The following CFI variants were observed in gnomAD, a reference collection of about 807,000 sequenced individuals.
CFI encodes the protein complement factor I, also known as C3B/C4B inactivator.
CFI carries 66 observed loss-of-function variants against 78.8 expected under a neutral mutation model. The observed-to-expected ratio is 0.84, with a 90% CI of 0.69 to 1.03. The LOEUF (loss-of-function observed/expected upper bound fraction) is 1.03, where lower values mean the gene tolerates loss of function less well. Among genes scored for constraint, CFI ranks in the 50% least tolerant of loss-of-function variants. The probability of loss-of-function intolerance (pLI) is 0.00; values close to 1 mark genes in which losing one functional copy is unlikely to be tolerated. For missense variants in CFI, 706 were observed against 704.5 expected, an observed-to-expected ratio of 1.00 and a Z score of -0.02; for synonymous variants, 250 against 232.6, an observed-to-expected ratio of 1.07 and a Z score of -0.68.
At chr4:109,796,230 A>G (rs1732039328) in intron 1 of CFI, among the ~76,000 whole-genome samples, 1 of 152,152 alleles carries the variant, frequency 6.6e-6, no homozygotes, top group Non-Finnish European at 1.5e-5. Context: ...TCAAAGTGTC[A>G]TAACGAAGAA....
At chr4:109,761,996 C>G (rs572875282) in intron 3 of CFI, 6 of 347,044 alleles carry the variant, frequency 1.7e-5, no homozygotes, top group Non-Finnish European at 3.3e-5. Context: ...TCGAGACCAG[C>G]CTGGCCAATA....
At chr4:109,771,550 C>CAAAA (rs60490705) in intron 1 of CFI, among the ~76,000 whole-genome samples, 1 of 132,812 alleles carries the variant, frequency 7.5e-6, no homozygotes, top group Admixed American at 7.6e-5. Context: ...ACTAAAAATA[C>CAAAA]AAAAAAAAAA....
intron 1 of CFI, among the ~76,000 whole-genome samples, chr4:109,774,647 C>G (rs1158402606): frequency 6.6e-6 from 1 of 152,118 alleles, no homozygotes; most frequent in African/African-American, 2.4e-5. Context: ...AATCATAAAG[C>G]CCTTGGAGGG....
rs74379614 is a variant in CFI, at chr4:109,796,495, G to A, written c.57+5420C>T. Among the ~76,000 whole-genome samples, 1,388 of 152,270 alleles carry A rather than the reference G, an allele frequency of 9.1e-3. 15 individuals carry two copies. The highest frequency in any genetic ancestry group is 0.032 in the African/African-American group (1,318 of 41,548). On this transcript the variant is annotated intron_variant, in intron 1 of 12. Transcript: ENST00000394634. ...TATACATCAATAATGAACTGTCCTA[G>A]AAAGAATTTTAAGAAAACCATCTCA...
Position 109,774,102 on chromosome 4 carries a change from G to T in CFI, c.58-7278C>A, listed in dbSNP as rs568819815. On this transcript the variant is annotated intron_variant, in intron 1 of 12. Coordinates refer to ENST00000394634, the MANE Select transcript of CFI (RefSeq NM_000204.5). ...AAATCTTTACTAATATTTAAACATA[G>T]ATTATCACTTGGGCCTATATTCATA... Among the ~76,000 whole-genome samples the T allele has an allele frequency of 4.6e-4, 70 of 152,312 alleles. No homozygotes were observed. In the South Asian group the frequency reaches 0.014, roughly 31 times the overall value.
rs547016292 is a variant in CFI at position 109,797,108 on chromosome 4, A to C, written c.57+4807T>G. ...TTACATGGAATTTCAAAAGACACAAAATAGCCAAAACAATTTTTTGAGCAA... is the reference window on the plus strand; with the variant it reads ...TTACATGGAATTTCAAAAGACACAACATAGCCAAAACAATTTTTTGAGCAA... On this transcript the variant is annotated intron_variant, in intron 1 of 12. Coordinates refer to ENST00000394634, the MANE Select transcript of CFI (RefSeq NM_000204.5). 1.1e-4 allele frequency among the ~76,000 whole-genome samples: 16 copies of C among 152,350 alleles called. No homozygotes were observed. The East Asian group carries it at 3.1e-3, about 29-fold the overall frequency.
chr4:109,757,448 C>A (rs1049598663), intron 7 of CFI, among the ~76,000 whole-genome samples: 3 of 152,088 alleles, frequency 2.0e-5, no homozygotes, highest in Admixed American at 2.0e-4. Flanking sequence ...TATCTTTATT[C>A]AGGTGGCAAT....
chr4:109,732,826 C>T, the CFI span, among the ~76,000 whole-genome samples: 1 of 146,140 alleles, frequency 6.8e-6, no homozygotes, highest in African/African-American at 2.6e-5. Flanking sequence ...CACTGCACTC[C>T]AGCCGAGGCC....
At chr4:109,788,282 T>C (rs1397731420) in intron 1 of CFI, among the ~76,000 whole-genome samples, 2 of 152,128 alleles carry the variant, frequency 1.3e-5, no homozygotes, top group Non-Finnish European at 1.5e-5. Context: ...AATTTTAATA[T>C]CCAGAAAGAT....
chr4:109,741,322 T>C (rs1723768098), intron 12 of CFI: 15 of 985,282 alleles, frequency 1.5e-5, no homozygotes, highest in Non-Finnish European at 1.4e-5. Flanking sequence ...TTCCCCCAAT[T>C]CAGCATGTTC....
At chr4:109,769,088 G>A (rs1728236740) in intron 1 of CFI, among the ~76,000 whole-genome samples, 1 of 152,124 alleles carries the variant, frequency 6.6e-6, no homozygotes, top group South Asian at 2.1e-4. Flanking sequence ...TGTCCTGACA[G>A]CAGGTTTTAT....
intron 1 of CFI, among the ~76,000 whole-genome samples, chr4:109,773,761 A>G (rs1033779679): frequency 6.6e-6 from 1 of 152,216 alleles, no homozygotes; most frequent in African/African-American, 2.4e-5. Flanking sequence ...CACATGGATC[A>G]GGTATTCCTG....
chr4:109,756,304 G>A (rs1407453613), intron 7 of CFI, among the ~76,000 whole-genome samples: 1 of 14,058 alleles, frequency 7.1e-5, no homozygotes, highest in Non-Finnish European at 1.4e-4. Flanking sequence ...TAGGGAGGGA[G>A]GAGGAAGGAA....
intron 1 of CFI, among the ~76,000 whole-genome samples, chr4:109,784,585 CA>C (rs962512049): frequency 6.6e-6 from 1 of 151,814 alleles, no homozygotes; most frequent in African/African-American, 2.4e-5. Context: ...CAATGAAAAA[CA>C]AAAAATGTCA....
the CFI span, among the ~76,000 whole-genome samples, chr4:109,733,088 C>T: frequency 2.0e-5 from 3 of 151,826 alleles, no homozygotes; most frequent in Non-Finnish European, 2.9e-5. Context: ...TTTCCTGCCT[C>T]AGCCTCCCGA....
chr4:109,746,982 T>TTTA, intron 10 of CFI, among the ~76,000 whole-genome samples: 1 of 152,326 alleles, frequency 6.6e-6, no homozygotes, highest in East Asian at 1.9e-4. Flanking sequence ...TTGCATTGTA[T>TTTA]TTATTTGTTC....
chr4:109,781,238 T>C lies in CFI; in HGVS notation c.58-14414A>G, dbSNP rs114804325. 5.3e-3 allele frequency among the ~76,000 whole-genome samples: 812 copies of C among 151,958 alleles called. 7 individuals are homozygous for C. Among genetic ancestry groups the C allele is most frequent in the African/African-American group, 0.019 (777 of 41,460 alleles). ...AAACAAGAAGCTGGTTCTTTAAAAA[T>C]ATAAATAAAATTGATAGACCATTAG... On this transcript the variant is annotated intron_variant, in intron 1 of 12. Coordinates refer to ENST00000394634, the MANE Select transcript of CFI (RefSeq NM_000204.5).
chr4:109,760,433 G>T, intron 5 of CFI, 53 bp from the exon 6 acceptor site: 1 of 1,504,214 alleles, frequency 6.6e-7, no homozygotes, highest in South Asian at 1.1e-5. Flanking sequence ...GTTGAATGAG[G>T]TACAATATAA....
intron 11 of CFI, among the ~76,000 whole-genome samples, chr4:109,745,415 C>A (rs1316630832): frequency 6.6e-6 from 1 of 152,142 alleles, no homozygotes; most frequent in Non-Finnish European, 1.5e-5. Flanking sequence ...TGATCACCTG[C>A]CTCGGCCTCC....
Sources: allele counts gnomAD v4.1 joint callset (sites outside exome capture counted in the v4.1 genomes callset), GRCh38; gene constraint gnomAD v4.1.1; transcripts MANE v1.5; gene names NCBI Gene and HGNC (gene_info 2026-07-23, HGNC 2026-07-21).